The following SERPINB1 variants were observed in gnomAD, a reference collection of about 807,000 sequenced individuals.
The protein encoded by SERPINB1 is serpin family B member 1, also known as leukocyte elastase inhibitor.
SERPINB1 carries 23 observed loss-of-function variants against 25.9 expected under a neutral mutation model. The observed-to-expected ratio is 0.89, with a 90% confidence interval of 0.64 to 1.26. The LOEUF is 1.26. Among genes scored for constraint, SERPINB1 ranks in the 50% most tolerant of loss-of-function variants. The pLI is 0.00. For missense variants in SERPINB1, 399 were observed against 463.6 expected, an observed-to-expected ratio of 0.86 and a Z score of 1.28; for synonymous variants, 178 against 178.7, an observed-to-expected ratio of 1.00 and a Z score of 0.03.
At chr6:2,839,379 A>C (rs1211526039) in intron 2 of SERPINB1, 3 of 985,054 alleles carry the variant, frequency 3.0e-6, no homozygotes, top group East Asian at 1.1e-4. Context: ...CATCTGCTTT[A>C]ATGGAAATGG....
In SERPINB1 at chr6:2,837,941, T is replaced by C. The variant is rs867344294; in HGVS notation, c.365A>G (p.Gln122Arg). The change falls in exon 4 of 7, where the codon CAG becomes CGG. Residue 122 changes from glutamine (Q) to arginine (R), a missense_variant. Transcript: ENST00000380739. The surrounding 1 kb of genome is among the most constrained non-coding windows in gnomAD (Gnocchi z 4.3). ...CTTCCTTGCATCTTCAGAGGCATGCTGAAAATCCACACTGGCCAGGTCAGC... is the reference window on the plus strand; with the variant it reads ...CTTCCTTGCATCTTCAGAGGCATGCCGAAAATCCACACTGGCCAGGTCAGC... ...YGADLASVDF[Q>R]HASEDARKTI... 6 of 1,614,102 alleles carry C rather than the reference T, an allele frequency of 3.7e-6. No homozygotes were observed. In the Middle Eastern group the frequency reaches 9.9e-4, roughly 266 times the overall value.
rs150524973 is a variant in SERPINB1, at chr6:2,835,805, C to A, written c.735+51G>T. 10 of 1,560,810 alleles carry A rather than the reference C, an allele frequency of 6.4e-6. No homozygotes were observed. In the East Asian group the frequency reaches 1.6e-4, roughly 25 times the overall value. On this transcript the variant is annotated intron_variant, in intron 6 of 6. Transcript: ENST00000380739. ...ACTTAACAAGCACCTACCTACCATGCGACACACACATGCAAGAGGAACCAC... is the reference window on the plus strand; with the variant it reads ...ACTTAACAAGCACCTACCTACCATGAGACACACACATGCAAGAGGAACCAC...
intron 4 of SERPINB1, 40 bp from the exon 5 acceptor site, chr6:2,836,290 G>A (rs749469265): frequency 6.4e-6 from 10 of 1,563,970 alleles, no homozygotes; most frequent in Middle Eastern, 1.7e-4. Flanking sequence ...AATCCAAATC[G>A]GAATTCCAAA....
At position 2,833,603 on chromosome 6, in the gene SERPINB1, T is replaced by G; in HGVS notation, c.*5A>C. On this transcript the variant is annotated 3_prime_UTR_variant, in exon 7 of 7. Coordinates refer to ENST00000380739, the MANE Select transcript of SERPINB1 (RefSeq NM_030666.4). ...TGATTTTTGTATTGCTACAGTCTCT[T>G]TCTTCTAAGGGGAAGAAAATCTCCC... The G allele has an allele frequency of 6.3e-7, 1 of 1,591,864 alleles. No individual in the cohort carries two copies. The highest frequency in any genetic ancestry group is 8.6e-7 in the Non-Finnish European group (1 of 1,168,700).
chr6:2,833,812 A>G lies in SERPINB1; in HGVS notation c.936T>C (p.Asp312=). Residue 312 remains aspartate (D), a synonymous_variant, in exon 7 of 7, where the codon GAT becomes GAC. Transcript: ENST00000380739. ...ADLSGMSGAR[D]IFISKIVHKS... is the part of the protein sequence containing the mutation. ...TGTGGACAATTTTTGATATAAAAAT[A>G]TCTCTGGCTCCTGACATGCCAGACA... is the stretch of plus-strand genomic sequence containing the variant. The G allele has an allele frequency of 6.2e-7, 1 of 1,614,190 alleles. No homozygotes were observed. Among genetic ancestry groups the G allele is most frequent in the Non-Finnish European group, 8.5e-7 (1 of 1,180,022 alleles).
intron 6 of SERPINB1, among the ~76,000 whole-genome samples, chr6:2,834,335 C>CCATT (rs1766426520): frequency 6.6e-6 from 1 of 151,276 alleles, no homozygotes; most frequent in African/African-American, 2.4e-5. Flanking sequence ...ATCCATCCAT[C>CCATT]CACCCAGCTA....
rs182117229 is a variant in SERPINB1, at chr6:2,835,955, A to T, written c.636T>A (p.Leu212=). ...KKFAYGYIED[L]KCRVLELPYQ... Reference sequence around the variant, plus strand: ...AAGGCAGTTCCAGCACACGGCACTTAAGGTCCTCGATGTAGCCATATGCAA... The same window carrying T: ...AAGGCAGTTCCAGCACACGGCACTTTAGGTCCTCGATGTAGCCATATGCAA... The change falls in exon 6 of 7, where the codon CTT becomes CTA. Residue 212 remains leucine (L), a synonymous_variant. Transcript: ENST00000380739. The T allele has an allele frequency of 5.0e-6, 8 of 1,614,176 alleles. No individual in the cohort carries two copies. In the East Asian group the frequency reaches 1.6e-4, roughly 31 times the overall value.
intron 2 of SERPINB1, chr6:2,839,221 G>C (rs80031232): frequency 1.3e-3 from 833 of 618,946 alleles, no homozygotes; most frequent in Non-Finnish European, 1.6e-3. Flanking sequence ...AATTCCCCAT[G>C]TATCAGTTAC....
chr6:2,840,383 G>C (rs2113544196), intron 2 of SERPINB1, 36 bp downstream of exon 2: 1 of 1,610,958 alleles, frequency 6.2e-7, no homozygotes, highest in Non-Finnish European at 8.5e-7. Context: ...TAGGGAGATG[G>C]GAGGAAAGCA....
chr6:2,838,041 C>T lies in SERPINB1; in HGVS notation c.307-42G>A, dbSNP rs773152492. On this transcript the variant is annotated intron_variant, in intron 3 of 6. Transcript: ENST00000380739. ...AAAGGAAATATATATATAACTCCTA[C>T]TACATATAGAAATTGTTTTCTAAAA... 8 of 1,307,966 alleles carry T rather than the reference C, an allele frequency of 6.1e-6. No individual in the cohort carries two copies. The African/African-American group carries it at 1.2e-4, about 20-fold the overall frequency. 81.0% of individuals were successfully genotyped at this position (1,307,966 alleles called of 1,614,324 possible). A position where few individuals can be genotyped will look rare whatever the true frequency, so the allele number is the denominator to read the frequency against.
chr6:2,834,295 TCATC>T (rs570666148), intron 6 of SERPINB1, among the ~76,000 whole-genome samples: 6,653 of 118,166 alleles, frequency 0.056, 167 homozygotes, highest in Middle Eastern at 0.15. Flanking sequence ...ATTTGTCCAC[TCATC>T]CATCCATCCA....
intron 6 of SERPINB1, 126 bp from the exon 7 acceptor site, chr6:2,834,138 A>T: frequency 4.5e-6 from 1 of 222,492 alleles, no homozygotes; most frequent in Non-Finnish European, 7.5e-6. Flanking sequence ...GTTTTGTGCC[A>T]AAACAGATTC....
At chr6:2,840,122 T>G (rs1766604342) in intron 2 of SERPINB1, among the ~76,000 whole-genome samples, 1 of 152,150 alleles carries the variant, frequency 6.6e-6, no homozygotes. Context: ...TCAGGAAAGC[T>G]GTCAGATTCA....
Position 2,838,018 on chromosome 6 carries a change from A to C in SERPINB1, c.307-19T>G. ...AGAACTCCTATTAAAAAAAAGGAAA[A>C]GGAAATATATATATAACTCCTACTA... On this transcript the variant is annotated intron_variant, in intron 3 of 6. Transcript: ENST00000380739. 1.3e-6 allele frequency: 2 copies of C among 1,518,544 alleles called. No individual in the cohort carries two copies. The highest frequency in any genetic ancestry group is 1.8e-6 in the Non-Finnish European group (2 of 1,096,120). The allele number at this position is 1,518,544 out of a possible 1,614,324, so 94.1% of individuals were successfully genotyped here. A position where few individuals can be genotyped will look rare whatever the true frequency, so the allele number is the denominator to read the frequency against.
At chr6:2,840,295 G>T in intron 2 of SERPINB1, 124 bp downstream of exon 2, 1 of 1,179,066 alleles carries the variant, frequency 8.5e-7, no homozygotes, top group Non-Finnish European at 1.2e-6. Context: ...CTGAAAGTCT[G>T]ATCTCATAAA....
At position 2,841,520 on chromosome 6, in the gene SERPINB1, C is replaced by T. The variant is rs1393594072; in HGVS notation, c.-9+292G>A. 1 of 152,584 alleles carries T rather than the reference C, an allele frequency of 6.6e-6. No individual in the cohort carries two copies. Among genetic ancestry groups the T allele is most frequent in the Admixed American group, 6.5e-5 (1 of 15,276 alleles). The allele number at this position is 152,584 out of a possible 1,614,324, so 9.5% of individuals were successfully genotyped here. A position where few individuals can be genotyped will look rare whatever the true frequency, so the allele number is the denominator to read the frequency against. On this transcript the variant is annotated intron_variant, in intron 1 of 6. Transcript: ENST00000380739. The surrounding 1 kb of genome is among the most constrained non-coding windows in gnomAD (Gnocchi z 4.5). ...GGGAGAAGGGACAACATTCTGATCT[C>T]AGGTTTCAGTCTTGCCTTCCGCCTG...
intron 3 of SERPINB1, 124 bp from the exon 4 acceptor site, chr6:2,838,123 T>C: frequency 1.5e-6 from 1 of 656,706 alleles, no homozygotes. Flanking sequence ...AACACAAAAT[T>C]TCTAACTCTT....
At chr6:2,838,495 A>C in intron 3 of SERPINB1, 54 bp downstream of exon 3, 15 of 1,403,342 alleles carry the variant, frequency 1.1e-5, no homozygotes, top group Non-Finnish European at 1.3e-5. Flanking sequence ...ATTGTGCTGG[A>C]AAATATCTGC....
At position 2,838,004 on chromosome 6, in the gene SERPINB1, TA is replaced by T. The variant is rs373729328; in HGVS notation, c.307-6del. ...CTGAGTCGAAACCAAGAACTCCTAT[TA>T]AAAAAAAGGAAAAGGAAATATATAT... On this transcript the variant is annotated splice_region_variant and splice_polypyrimidine_tract_variant and intron_variant, in intron 3 of 6. Coordinates refer to ENST00000380739, the MANE Select transcript of SERPINB1 (RefSeq NM_030666.4). 461 of 1,576,648 alleles carry T rather than the reference TA, an allele frequency of 2.9e-4. No homozygotes were observed. Among genetic ancestry groups the T allele is most frequent in the South Asian group, 6.3e-4 (56 of 88,694 alleles).
Sources: gnomAD v4.1 joint callset for allele counts (sites outside exome capture counted in the v4.1 genomes callset) on GRCh38, gnomAD v4.1.1 for gene constraint, Gnocchi (gnomAD v3.1) non-coding constraint, MANE v1.5 for transcripts, NCBI Gene and HGNC (gene_info 2026-07-23, HGNC 2026-07-21) for gene names.